Variants in TRIM28 observed in about 807,000 individuals in gnomAD.
TRIM28 encodes tripartite motif containing 28, also known as transcription intermediary factor 1-beta.
Under a neutral mutation model 87.4 loss-of-function variants are expected in TRIM28, and 8 were observed. The observed-to-expected ratio is 0.09, with a 90% CI of 0.05 to 0.17. The LOEUF is 0.17. Ranked by LOEUF, TRIM28 falls within the 10% of genes least tolerant of loss-of-function variation. The pLI is 1.00. For synonymous variants in TRIM28, 601 were observed against 454.3 expected (o/e 1.32, Z -4.11); for missense variants, 968 against 1,131.8 (o/e 0.86, Z 2.08).
Position 58,549,832 on chromosome 19 carries a change from T to C in TRIM28, c.2078T>C (p.Val693Ala), listed in dbSNP as rs373409436. 134 of 1,612,322 alleles carry C rather than the reference T, an allele frequency of 8.3e-5. No homozygotes were observed. The highest frequency in any genetic ancestry group is 4.9e-4 in the Middle Eastern group (3 of 6,080). Residue 693 changes from valine to alanine, a missense_variant, in exon 14 of 17, where the codon GTG (valine) becomes GCG (alanine). Val to Ala is a moderately conservative substitution (Grantham distance 64, BLOSUM62 0). Around this residue, in one of 11 missense-constraint regions of TRIM28, gnomAD observed 192 missense variants for 225.6 expected, o/e 0.85. Coordinates refer to ENST00000253024, the MANE Select transcript of TRIM28 (RefSeq NM_005762.3). The surrounding 1 kb of genome is among the most constrained non-coding windows in gnomAD (Gnocchi z 4.4). ...GATGGTGCAGACAGCACTGGCGTGG[T>C]GGCCAAGCTCTCACCAGCCAACCAG... is the stretch of plus-strand genomic sequence containing the variant. ...SLDGADSTGV[V>A]AKLSPANQRK...
chr19:58,545,464 A>G lies in TRIM28; in HGVS notation c.380A>G (p.Lys127Arg), dbSNP rs147833197. The change falls in exon 2 of 17, where the codon AAA becomes AGA. Residue 127 changes from lysine (K) to arginine (R), a missense_variant. This residue lies in a region of TRIM28 where 51 missense variants were observed against 69.3 expected (regional missense o/e 0.74). Coordinates refer to ENST00000253024, the MANE Select transcript of TRIM28 (RefSeq NM_005762.3). Reference sequence around the variant, plus strand: ...GTGTGCAAGCAACAGTGCTTCTCCAAAGACATCGTGGAGAATTATTTCATG... The same window carrying G: ...GTGTGCAAGCAACAGTGCTTCTCCAGAGACATCGTGGAGAATTATTTCATG... ...CPVCKQQCFSKDIVENYFMRD... is the reference protein window; with the variant it reads ...CPVCKQQCFSRDIVENYFMRD... 38 of 1,612,858 alleles carry G rather than the reference A, an allele frequency of 2.4e-5. No homozygotes were observed. Among genetic ancestry groups the G allele is most frequent in the Middle Eastern group, 3.3e-4 (2 of 6,050 alleles).
Position 58,549,527 on chromosome 19 carries a change from C to T in TRIM28, c.1859C>T (p.Thr620Ile), listed in dbSNP as rs376773743. 9 of 1,614,002 alleles carry T rather than the reference C, an allele frequency of 5.6e-6. No homozygotes were observed. Among genetic ancestry groups the T allele is most frequent in the Non-Finnish European group, 6.8e-6 (8 of 1,179,990 alleles). The change falls in exon 13 of 17, where the codon ACC becomes ATC. Residue 620 changes from threonine to isoleucine, a missense_variant. By Grantham distance (89) the Thr-to-Ile change is moderately conservative. This residue lies in a region of TRIM28 where 164 missense variants were observed against 146.2 expected (regional missense o/e 1.12). Transcript: ENST00000253024. The surrounding 1 kb of genome is among the most constrained non-coding windows in gnomAD (Gnocchi z 4.4). Reference protein sequence around the residue: ...GTSAPGGGPGTLDDSATICRV... With the variant: ...GTSAPGGGPGILDDSATICRV... The stretch of plus-strand genomic sequence containing the variant: ...TCAGCCCCAGGTGGTGGCCCGGGAA[C>T]CCTGGATGACAGTGCCACCATTTGC...
At chr19:58,547,312 ATTC>A in intron 3 of TRIM28, 61 bp from the exon 4 acceptor site, 1 of 1,592,618 alleles carries the variant, frequency 6.3e-7, no homozygotes, top group Non-Finnish European at 8.6e-7. Context: ...GCCCCAACTC[ATTC>A]TGCTTCCTGA....
In TRIM28 at chr19:58,544,834, C is replaced by T; in HGVS notation, c.77C>T (p.Ser26Phe). The T allele has an allele frequency of 3.9e-6, 5 of 1,278,820 alleles. No homozygotes were observed. The highest frequency in any genetic ancestry group is 4.9e-6 in the Non-Finnish European group (5 of 1,013,026). The allele number at this position is 1,278,820 out of a possible 1,614,324, so 79.2% of individuals were successfully genotyped here. Residue 26 changes from serine (S) to phenylalanine (F), a missense_variant, in exon 1 of 17, where the codon TCC becomes TTC. By Grantham distance (155) the Ser-to-Phe change is radical. Coordinates refer to ENST00000253024, the MANE Select transcript of TRIM28 (RefSeq NM_005762.3). ...ASGSPGPGEG[S>F]AGGEKRSTAP... is the part of the protein sequence containing the mutation. ...GGCAGCCCGGGCCCGGGCGAGGGCT[C>T]CGCTGGCGGCGAAAAGCGCTCCACC...
intron 2 of TRIM28, 98 bp downstream of exon 2, chr19:58,545,635 C>G (rs73580857): frequency 6.7e-7 from 1 of 1,501,934 alleles, no homozygotes; most frequent in Non-Finnish European, 9.1e-7. Flanking sequence ...TCCACTTTCC[C>G]AAGGCTCTGG....
chr19:58,545,384 T>G (rs1600079648), intron 1 of TRIM28, 41 bp from the exon 2 acceptor site: 1 of 1,516,512 alleles, frequency 6.6e-7, no homozygotes, highest in Non-Finnish European at 9.1e-7. Flanking sequence ...ATAACCTGGG[T>G]GGGAACTTGT....
In TRIM28 at chr19:58,545,666, C is replaced by T. The variant is rs1463513421; in HGVS notation, c.454-98C>T. ...TCTGGGTGGGCTGCCTAGGTTGGGTCAAGGGACCAATCTTAAATCTCCGGT... is the reference window on the plus strand; with the variant it reads ...TCTGGGTGGGCTGCCTAGGTTGGGTTAAGGGACCAATCTTAAATCTCCGGT... On this transcript the variant is annotated intron_variant, in intron 2 of 16. Transcript: ENST00000253024. 1.2e-5 allele frequency: 18 copies of T among 1,549,842 alleles called. No individual in the cohort carries two copies. The East Asian group carries it at 3.9e-4, about 33-fold the overall frequency.
chr19:58,549,390 C>T lies in TRIM28; in HGVS notation c.1722C>T (p.Thr574=). ...APPTATEGPE[T]KPVLMALAEG... is the part of the protein sequence containing the mutation. The stretch of plus-strand genomic sequence containing the variant: ...CTACTGCCACTGAGGGCCCTGAGAC[C>T]AAACCTGTGCTTATGGCTCTTGCGG... Residue 574 remains threonine, a synonymous_variant, in exon 13 of 17, where the codon ACC becomes ACT. Transcript: ENST00000253024. This position sits in a 1 kb window ranked among gnomAD's most constrained non-coding sequence, Gnocchi z 4.4. The T allele has an allele frequency of 6.3e-7, 1 of 1,585,162 alleles. No individual in the cohort carries two copies. Among genetic ancestry groups the T allele is most frequent in the Non-Finnish European group, 8.6e-7 (1 of 1,162,050 alleles).
Position 58,547,502 on chromosome 19 carries a change from A to G in TRIM28, c.713A>G (p.Lys238Arg). The change falls in exon 4 of 17, where the codon AAG becomes AGG. Residue 238 changes from lysine to arginine, a missense_variant. Lys to Arg is a conservative substitution (Grantham distance 26). Coordinates refer to ENST00000253024, the MANE Select transcript of TRIM28 (RefSeq NM_005762.3). Reference protein sequence around the residue: ...TCRDCQLNAHKDHQYQFLEDA... With the variant: ...TCRDCQLNAHRDHQYQFLEDA... ...CGAGACTGCCAGCTCAATGCCCACA[A>G]GGACCACCAGTGAGTCCCAAGGCAT... 6.2e-7 allele frequency: 1 copy of G among 1,614,008 alleles called. No homozygotes were observed. Among genetic ancestry groups the G allele is most frequent in the Non-Finnish European group, 8.5e-7 (1 of 1,179,964 alleles).
chr19:58,547,223 G>A (rs571659367), intron 3 of TRIM28, 153 bp from the exon 4 acceptor site: 306 of 900,960 alleles, frequency 3.4e-4, no homozygotes, highest in Admixed American at 1.3e-3. Context: ...TGGGCTTGCA[G>A]GCCTGTGTTC....
At chr19:58,547,987 G>C in intron 6 of TRIM28, 47 bp from the exon 7 acceptor site, 1 of 1,612,996 alleles carries the variant, frequency 6.2e-7, no homozygotes, top group African/African-American at 1.3e-5. Flanking sequence ...AGTGATCCTA[G>C]TATTCTTCTG....
intron 7 of TRIM28, 36 bp from the exon 8 acceptor site, chr19:58,548,258 T>C: frequency 6.2e-7 from 1 of 1,613,868 alleles, no homozygotes; most frequent in Non-Finnish European, 8.5e-7. Context: ...TTGTTGTTGG[T>C]GTGCTCATTC....
chr19:58,545,397 C>T lies in TRIM28; in HGVS notation c.341-28C>T, dbSNP rs371916564. ...CCATAACCTGGGTGGGAACTTGTAACAGTCTCCCACATCCCTGCTTCTCGA... is the reference window on the plus strand; with the variant it reads ...CCATAACCTGGGTGGGAACTTGTAATAGTCTCCCACATCCCTGCTTCTCGA... On this transcript the variant is annotated intron_variant, in intron 1 of 16. Coordinates refer to ENST00000253024, the MANE Select transcript of TRIM28 (RefSeq NM_005762.3). 57 of 1,565,512 alleles carry T rather than the reference C, an allele frequency of 3.6e-5. No homozygotes were observed. In the South Asian group the frequency reaches 5.8e-4, roughly 16 times the overall value.
At chr19:58,545,200 C>A in intron 1 of TRIM28, 103 bp downstream of exon 1, 2 of 1,122,710 alleles carry the variant, frequency 1.8e-6, no homozygotes, top group South Asian at 1.7e-5. Flanking sequence ...GATGGGGGCC[C>A]GGACAGGGCA....
intron 3 of TRIM28, among the ~76,000 whole-genome samples, chr19:58,546,692 A>G (rs955905115): frequency 2.6e-5 from 4 of 152,140 alleles, no homozygotes; most frequent in African/African-American, 7.2e-5. Context: ...CTGATGCTAC[A>G]TATTTTGGAT....
chr19:58,547,762 C>A, intron 5 of TRIM28, 30 bp from the exon 6 acceptor site: 1 of 1,613,804 alleles, frequency 6.2e-7, no homozygotes, highest in Non-Finnish European at 8.5e-7. Flanking sequence ...CAGCAAGACC[C>A]TACCTAGCCT....
Position 58,545,116 on chromosome 19 carries a change from G to C in TRIM28, c.340+19G>C. 7.1e-7 allele frequency: 1 copy of C among 1,400,300 alleles called. No homozygotes were observed. The highest frequency in any genetic ancestry group is 1.5e-5 in the African/African-American group (1 of 67,288). 86.7% of individuals were successfully genotyped at this position (1,400,300 alleles called of 1,614,324 possible). A position where few individuals can be genotyped will look rare whatever the true frequency, so the allele number is the denominator to read the frequency against. On this transcript the variant is annotated intron_variant, in intron 1 of 16. Transcript: ENST00000253024. The stretch of plus-strand genomic sequence containing the variant: ...GGCACCGGTAAGTACGAAGTGATCG[G>C]TGCCACCCCTCCCCCTACTCTCTGC...
rs376042678 is a variant in TRIM28 at position 58,549,876 on chromosome 19, A to G, written c.2106+16A>G. On this transcript the variant is annotated intron_variant, in intron 14 of 16. Transcript: ENST00000253024. This position sits in a 1 kb window ranked among gnomAD's most constrained non-coding sequence, Gnocchi z 4.4. ...CAACCAGCGGGTGAGGGCTGGGGTT[A>G]CTTAGGTGGGGTTGCCCAGAGAGGC... The G allele has an allele frequency of 7.4e-6, 12 of 1,613,054 alleles. No individual in the cohort carries two copies. The highest frequency in any genetic ancestry group is 9.3e-6 in the Non-Finnish European group (11 of 1,179,218).
rs1159470485 is a variant in TRIM28, at chr19:58,544,350, T to G, written c.-408T>G. The G allele has an allele frequency of 1.3e-5, 2 of 152,176 alleles. No individual in the cohort carries two copies. The highest frequency in any genetic ancestry group is 2.4e-5 in the African/African-American group (1 of 41,402). 9.4% of individuals were successfully genotyped at this position (152,176 alleles called of 1,614,324 possible). A position where few individuals can be genotyped will look rare whatever the true frequency, so the allele number is the denominator to read the frequency against. On this transcript the variant is annotated 5_prime_UTR_variant, in exon 1 of 17. Transcript: ENST00000253024. ...TTGGCGCGTGCGTACTGGCGGCCTC[T>G]CCCGCACCGACCGGCCTGGGCCCCG...
Sources: allele counts gnomAD v4.1 joint callset (sites outside exome capture counted in the v4.1 genomes callset), GRCh38; gene constraint gnomAD v4.1.1; regional missense constraint gnomAD v4.1.1; non-coding constraint Gnocchi (gnomAD v3.1); transcripts MANE v1.5; gene names NCBI Gene and HGNC (gene_info 2026-07-23, HGNC 2026-07-21).